NTN5: variants seen among roughly 807,000 people sequenced by gnomAD.
NTN5 encodes netrin-5.
Under a neutral mutation model 38.7 loss-of-function variants are expected in NTN5, and 42 were observed. The ratio of observed to expected loss-of-function variants is 1.08; its 90% CI spans 0.85 to 1.40. The LOEUF is 1.40. Ranked by LOEUF, NTN5 falls within the 40% of genes most tolerant of loss-of-function variation. The pLI, the probability that NTN5 is intolerant of heterozygous loss-of-function variation, is 0.00. For missense variants in NTN5, 658 were observed against 716.5 expected (o/e 0.92, Z 0.93); for synonymous variants, 329 against 303.9 (o/e 1.08, Z -0.86).
Position 48,661,566 on chromosome 19 carries a change from G to A in NTN5, c.*111C>T, listed in dbSNP as rs557632600. 4.8e-6 allele frequency: 6 copies of A among 1,250,444 alleles called. No homozygotes were observed. Among genetic ancestry groups the A allele is most frequent in the Non-Finnish European group, 6.2e-6 (6 of 972,346 alleles). The allele number at this position is 1,250,444 out of a possible 1,614,324, so 77.5% of individuals were successfully genotyped here. ...GTGGGCGCAAGCATAGTGTCGTCGGGGCTCTGCGACGTCTGATTGGCTCTC... is the reference window on the plus strand; with the variant it reads ...GTGGGCGCAAGCATAGTGTCGTCGGAGCTCTGCGACGTCTGATTGGCTCTC... On this transcript the variant is annotated 3_prime_UTR_variant, in exon 7 of 7. Coordinates refer to ENST00000270235, the MANE Select transcript of NTN5 (RefSeq NM_145807.4).
In NTN5 at chr19:48,661,731, G is replaced by A. The variant is rs757838150; in HGVS notation, c.1416C>T (p.Ala472=). The stretch of plus-strand genomic sequence containing the variant: ...GTGCCCGCACGCCGCGGCAGCCTCC[G>A]GCGCGCTCCTCCTGCTGCAGCCGCT... ...PLKRLQQEER[A]GGCRGVRAPT... Residue 472 remains alanine, a synonymous_variant, in exon 7 of 7, where the codon GCC becomes GCT. Coordinates refer to ENST00000270235, the MANE Select transcript of NTN5 (RefSeq NM_145807.4). 13 of 1,545,484 alleles carry A rather than the reference G, an allele frequency of 8.4e-6. No individual in the cohort carries two copies. The highest frequency in any genetic ancestry group is 1.1e-5 in the Non-Finnish European group (13 of 1,156,378).
Position 48,664,899 on chromosome 19 carries a change from C to T in NTN5, c.632-132G>A, listed in dbSNP as rs2031658271. 5 of 674,500 alleles carry T rather than the reference C, an allele frequency of 7.4e-6. No homozygotes were observed. The Admixed American group carries it at 2.1e-4, about 28-fold the overall frequency. 41.8% of individuals were successfully genotyped at this position (674,500 alleles called of 1,614,324 possible). ...CAAGGTAGAAGAGAATGCCTGGGTCCCAGGACATCTCTATTATTATCTTTT... is the reference window on the plus strand; with the variant it reads ...CAAGGTAGAAGAGAATGCCTGGGTCTCAGGACATCTCTATTATTATCTTTT... On this transcript the variant is annotated intron_variant, in intron 2 of 6. Coordinates refer to ENST00000270235, the MANE Select transcript of NTN5 (RefSeq NM_145807.4).
Position 48,662,066 on chromosome 19 carries a change from C to G in NTN5, c.1106-25G>C, listed in dbSNP as rs959980492. 3 of 1,432,170 alleles carry G rather than the reference C, an allele frequency of 2.1e-6. No individual in the cohort carries two copies. The African/African-American group carries it at 4.5e-5, about 22-fold the overall frequency. 88.7% of individuals were successfully genotyped at this position (1,432,170 alleles called of 1,614,324 possible). A position where few individuals can be genotyped will look rare whatever the true frequency, so the allele number is the denominator to read the frequency against. On this transcript the variant is annotated intron_variant, in intron 6 of 6. Transcript: ENST00000270235. ...ACTGTGGGGAGGGGAGATGTCAGCC[C>G]AGGTCGTGGGGAGCTTCCAGGGTAC...
intron 4 of NTN5, 22 bp from the exon 5 acceptor site, chr19:48,663,836 T>G (rs2031615728): frequency 1.2e-6 from 2 of 1,610,786 alleles, no homozygotes; most frequent in Non-Finnish European, 1.7e-6. Flanking sequence ...AAGGAGAAAT[T>G]AACCTCTTAG....
intron 2 of NTN5, among the ~76,000 whole-genome samples, chr19:48,669,960 C>T (rs1404768758): frequency 4.4e-5 from 5 of 114,724 alleles, no homozygotes; most frequent in East Asian, 4.0e-4. Flanking sequence ...ACCACCATCA[C>T]CATCACCACC....
intron 2 of NTN5, among the ~76,000 whole-genome samples, chr19:48,669,942 C>T (rs1220032722): frequency 2.2e-5 from 2 of 91,102 alleles, no homozygotes; most frequent in Non-Finnish European, 4.5e-5. Flanking sequence ...ACTACCATCA[C>T]CATCACCACC....
chr19:48,670,467 G>A lies in NTN5; in HGVS notation c.520C>T (p.Arg174Cys), dbSNP rs201586895. Residue 174 changes from arginine to cysteine, a missense_variant, in exon 2 of 7, where the codon CGC (arginine) becomes TGC (cysteine). Physicochemically the swap from Arg to Cys is radical, Grantham distance 180. Transcript: ENST00000270235. ...ARCAARARPP[R>C]CHCRHHTTGP... Reference sequence around the variant, plus strand: ...GTGGTATGGTGGCGGCAGTGGCAGCGGGGGGGCCGGGCACGGGCGGCACAG... The same window carrying A: ...GTGGTATGGTGGCGGCAGTGGCAGCAGGGGGGCCGGGCACGGGCGGCACAG... 504 of 1,470,388 alleles carry A rather than the reference G, an allele frequency of 3.4e-4. No homozygotes were observed. Among genetic ancestry groups the A allele is most frequent in the Non-Finnish European group, 3.6e-4 (401 of 1,110,984 alleles). The allele number at this position is 1,470,388 out of a possible 1,614,324, so 91.1% of individuals were successfully genotyped here.
intron 4 of NTN5, 130 bp from the exon 5 acceptor site, chr19:48,663,944 T>A: frequency 8.7e-7 from 1 of 1,146,076 alleles, no homozygotes; most frequent in Non-Finnish European, 1.3e-6. Context: ...CAAGCATCCC[T>A]TGCCTTCAGG....
Position 48,664,229 on chromosome 19 carries a change from G to A in NTN5, c.884C>T (p.Thr295Ile). Residue 295 changes from threonine (T) to isoleucine (I), a missense_variant, in exon 4 of 7, where the codon ACC becomes ATC. Transcript: ENST00000270235. The part of the protein sequence containing the change: ...GTCNQTSGQC[T>I]CKLGVTGLTC... ...CAGGCCTGTGACCCCTAACTTGCAG[G>A]TGCACTGCCCACTGGTCTGGTTGCA... 1 of 1,612,488 alleles carries A rather than the reference G, an allele frequency of 6.2e-7. No individual in the cohort carries two copies.
At chr19:48,670,272 G>T (rs541640359) in intron 2 of NTN5, 84 bp downstream of exon 2, 3 of 1,304,396 alleles carry the variant, frequency 2.3e-6, no homozygotes, top group Admixed American at 3.8e-5. Context: ...TCCAGCGAGG[G>T]AAGGGAACAT....
rs771064689 is a variant in NTN5, at chr19:48,661,715, C to T, written c.1432G>A (p.Val478Met). The T allele has an allele frequency of 1.3e-6, 2 of 1,557,224 alleles. No homozygotes were observed. The highest frequency in any genetic ancestry group is 1.7e-6 in the Non-Finnish European group (2 of 1,161,212). Residue 478 changes from valine to methionine, a missense_variant, in exon 7 of 7, where the codon GTG (valine) becomes ATG (methionine). Val to Met is a conservative substitution (Grantham distance 21). Coordinates refer to ENST00000270235, the MANE Select transcript of NTN5 (RefSeq NM_145807.4). ...CTGGGACTGGGTGTGGGTGCCCGCA[C>T]GCCGCGGCAGCCTCCGGCGCGCTCC... ...QEERAGGCRG[V>M]RAPTPSPRPE...
At chr19:48,663,666 T>C in intron 5 of NTN5, 95 bp downstream of exon 5, 1 of 1,507,626 alleles carries the variant, frequency 6.6e-7, no homozygotes, top group Non-Finnish European at 9.2e-7. Flanking sequence ...GGGACTGGGC[T>C]CAATGGGTGA....
In NTN5 at chr19:48,664,657, C is replaced by T. The variant is rs2031647618; in HGVS notation, c.742G>A (p.Gly248Arg). ...VCERCRHHTA[G>R]RHCHYCQPGF... is the part of the protein sequence containing the mutation. ...GGTTGGCAGTAGTGGCAGTGCCGCC[C>T]AGCTGTGTGGTGGCGGCACCGCTCA... The change falls in exon 3 of 7, where the codon GGG becomes AGG. Residue 248 changes from glycine to arginine, a missense_variant. Physicochemically the swap from Gly to Arg is moderately radical, Grantham distance 125 (BLOSUM62 -2). Coordinates refer to ENST00000270235, the MANE Select transcript of NTN5 (RefSeq NM_145807.4). 1 of 1,613,026 alleles carries T rather than the reference C, an allele frequency of 6.2e-7. No homozygotes were observed. The highest frequency in any genetic ancestry group is 1.1e-5 in the South Asian group (1 of 90,962).
intron 2 of NTN5, among the ~76,000 whole-genome samples, chr19:48,665,829 A>G (rs2031689746): frequency 6.6e-6 from 1 of 152,056 alleles, no homozygotes; most frequent in Non-Finnish European, 1.5e-5. Flanking sequence ...AGAAAAAAAA[A>G]AAACAAAAAG....
At chr19:48,665,065 AC>A (rs1257462565) in intron 2 of NTN5, among the ~76,000 whole-genome samples, 1 of 147,984 alleles carries the variant, frequency 6.8e-6, no homozygotes, top group East Asian at 2.0e-4. Context: ...GGCACGTGCC[AC>A]CACACACAGC....
intron 2 of NTN5, among the ~76,000 whole-genome samples, chr19:48,667,775 G>A (rs928996439): frequency 1.3e-5 from 2 of 152,036 alleles, no homozygotes; most frequent in Admixed American, 6.6e-5. Flanking sequence ...AGAATGGCTT[G>A]AACCCCAGAG....
In NTN5 at chr19:48,661,593, G is replaced by T; in HGVS notation, c.*84C>A. On this transcript the variant is annotated 3_prime_UTR_variant, in exon 7 of 7. Transcript: ENST00000270235. ...CTCTGCGACGTCTGATTGGCTCTCT[G>T]CAGTGCACCGTCGAGGTAGAAGGCT... 7.3e-7 allele frequency: 1 copy of T among 1,367,652 alleles called. No homozygotes were observed. Among genetic ancestry groups the T allele is most frequent in the Non-Finnish European group, 9.5e-7 (1 of 1,054,278 alleles). The allele number at this position is 1,367,652 out of a possible 1,614,324, so 84.7% of individuals were successfully genotyped here. A position where few individuals can be genotyped will look rare whatever the true frequency, so the allele number is the denominator to read the frequency against.
In NTN5 at chr19:48,662,001, C is replaced by A; in HGVS notation, c.1146G>T (p.Pro382=). 1 of 1,487,876 alleles carries A rather than the reference C, an allele frequency of 6.7e-7. No homozygotes were observed. Among genetic ancestry groups the A allele is most frequent in the Non-Finnish European group, 8.9e-7 (1 of 1,126,148 alleles). The allele number at this position is 1,487,876 out of a possible 1,614,324, so 92.2% of individuals were successfully genotyped here. A position where few individuals can be genotyped will look rare whatever the true frequency, so the allele number is the denominator to read the frequency against. Residue 382 remains proline, a synonymous_variant, in exon 7 of 7, where the codon CCG becomes CCT. Coordinates refer to ENST00000270235, the MANE Select transcript of NTN5 (RefSeq NM_145807.4). The part of the protein sequence containing the change: ...AQVLASEAAG[P]AWQRLAVRVL... ...CGCGCACGGCCAGCCGCTGCCATGC[C>A]GGGCCCGCCGCCTCGGACGCTAGCA... is the stretch of plus-strand genomic sequence containing the variant.
intron 6 of NTN5, chr19:48,662,656 T>A (rs2031580412): frequency 6.5e-6 from 1 of 153,090 alleles, no homozygotes; most frequent in African/African-American, 2.4e-5. Context: ...AGTTTCACCA[T>A]GTTGGCCAGG....
Sources: gnomAD v4.1 joint callset for allele counts (sites outside exome capture counted in the v4.1 genomes callset) on GRCh38, gnomAD v4.1.1 for gene constraint, MANE v1.5 for transcripts, NCBI Gene and HGNC (gene_info 2026-07-23, HGNC 2026-07-21) for gene names.